Variants in USH2A observed in about 807,000 individuals in gnomAD.
The protein encoded by USH2A is usherin, also known as Usher syndrome 2A (autosomal recessive, mild).
In USH2A, 443 loss-of-function variants were observed where a neutral mutation model predicts 538.9. That is an observed-to-expected ratio of 0.82 (90% CI 0.76 to 0.89). The LOEUF is 0.89. USH2A is among the 40% of genes least tolerant of loss of function. The pLI, the probability that USH2A is intolerant of heterozygous loss-of-function variation, is 0.00. For missense variants in USH2A, 6,633 were observed against 6,324.8 expected, an observed-to-expected ratio of 1.05 and a Z score of -1.65; for synonymous variants, 2,413 against 2,273.5, an observed-to-expected ratio of 1.06 and a Z score of -1.75.
intron 21 of USH2A, among the ~76,000 whole-genome samples, chr1:216,135,160 T>A (rs1160900113): frequency 2.2e-4 from 24 of 108,396 alleles, no homozygotes; most frequent in East Asian, 3.2e-4. Context: ...TCTCTCTCTC[T>A]CTCTCTCACA....
At chr1:216,151,518 T>TACTGGAATAGC (rs2033832378) in intron 21 of USH2A, among the ~76,000 whole-genome samples, 1 of 152,182 alleles carries the variant, frequency 6.6e-6, no homozygotes, top group Non-Finnish European at 1.5e-5. Context: ...TTGCTCTCGG[T>TACTGGAATAGC]ACTGGAATAG....
rs200022676 is a variant in USH2A, at chr1:216,169,940, A to G, written c.4627+5312T>C. The stretch of plus-strand genomic sequence containing the variant: ...CTTGAAAAGAACTGGGGTTTTGTTT[A>G]GTTGTTTTGTTTTTTATTTTTTTCA... On this transcript the variant is annotated intron_variant, in intron 21 of 71. Coordinates refer to ENST00000307340, the MANE Select transcript of USH2A (RefSeq NM_206933.4). Among the ~76,000 whole-genome samples, 5 of 152,186 alleles carry G rather than the reference A, an allele frequency of 3.3e-5. No individual in the cohort carries two copies. In the East Asian group the frequency reaches 9.7e-4, roughly 29 times the overall value.
At chr1:215,919,450 G>A (rs768876354) in intron 38 of USH2A, among the ~76,000 whole-genome samples, 19 of 152,122 alleles carry the variant, frequency 1.2e-4, no homozygotes, top group Admixed American at 2.6e-4. Context: ...ATAACTTGCC[G>A]AAGCTCTTAC....
chr1:216,143,168 C>G (rs1369394922), intron 21 of USH2A, among the ~76,000 whole-genome samples: 1 of 152,122 alleles, frequency 6.6e-6, no homozygotes, highest in African/African-American at 2.4e-5. Context: ...ACATGGTACT[C>G]CAATCAAGGG....
intron 40 of USH2A, among the ~76,000 whole-genome samples, chr1:215,896,030 A>G (rs1665331599): frequency 6.6e-6 from 1 of 152,246 alleles, no homozygotes; most frequent in Non-Finnish European, 1.5e-5. Context: ...CCACCGTCAT[A>G]TATGTGGTTC....
chr1:215,732,135 G>A (rs548510784), intron 60 of USH2A, among the ~76,000 whole-genome samples: 9 of 152,292 alleles, frequency 5.9e-5, no homozygotes, highest in East Asian at 1.9e-4. Flanking sequence ...AACAGTTTAC[G>A]TAAGAATAAA....
chr1:216,120,218 G>GA (rs2033099848), intron 21 of USH2A, among the ~76,000 whole-genome samples: 1 of 20,044 alleles, frequency 5.0e-5, no homozygotes, highest in Non-Finnish European at 8.3e-5. Flanking sequence ...ATACTAAATA[G>GA]CAAAAAAAAA....
chr1:215,890,660 T>C (rs1470648453), intron 40 of USH2A, among the ~76,000 whole-genome samples: 1 of 152,208 alleles, frequency 6.6e-6, no homozygotes, highest in African/African-American at 2.4e-5. Flanking sequence ...AAAACCACTA[T>C]GCCATTTCTT....
chr1:215,799,199 A>G (rs1662241489), intron 49 of USH2A, 74 bp from the exon 50 acceptor site: 1 of 1,443,062 alleles, frequency 6.9e-7, no homozygotes, highest in African/African-American at 1.4e-5. Context: ...AACTTTTATC[A>G]CAATCATCTT....
intron 10 of USH2A, 152 bp downstream of exon 10, chr1:216,292,023 G>A (rs2037010486): frequency 1.2e-6 from 1 of 834,474 alleles, no homozygotes; most frequent in Non-Finnish European, 1.9e-6. Flanking sequence ...TTGGAAATAG[G>A]AAGATTTGGT....
At chr1:216,416,504 T>C (rs1016582460) in intron 3 of USH2A, among the ~76,000 whole-genome samples, 4 of 152,166 alleles carry the variant, frequency 2.6e-5, no homozygotes, top group Non-Finnish European at 5.9e-5. Flanking sequence ...TTTCTCTTGA[T>C]AGTCAAACAG....
intron 61 of USH2A, among the ~76,000 whole-genome samples, chr1:215,701,013 G>C (rs550770691): frequency 1.3e-5 from 2 of 152,120 alleles, no homozygotes; most frequent in Non-Finnish European, 1.5e-5. Context: ...TTGTATCTTT[G>C]TTCTCATTGG....
chr1:216,021,574 C>T (rs1668845649), intron 32 of USH2A, among the ~76,000 whole-genome samples: 1 of 152,066 alleles, frequency 6.6e-6, no homozygotes, highest in African/African-American at 2.4e-5. Context: ...AGATTTTGGT[C>T]CCAAGACTAC....
intron 38 of USH2A, among the ~76,000 whole-genome samples, chr1:215,908,186 T>C (rs1334605026): frequency 1.3e-5 from 2 of 151,968 alleles, no homozygotes; most frequent in African/African-American, 2.4e-5. Flanking sequence ...TGTGGTTTCA[T>C]ACATGTCCCT....
intron 21 of USH2A, among the ~76,000 whole-genome samples, chr1:216,172,974 T>C (rs1338163992): frequency 6.6e-6 from 1 of 152,152 alleles, no homozygotes; most frequent in Non-Finnish European, 1.5e-5. Context: ...GTTTCCACCC[T>C]GAAATTCAAT....
chr1:216,373,116 A>G (rs1433727877), intron 3 of USH2A, among the ~76,000 whole-genome samples: 2 of 152,204 alleles, frequency 1.3e-5, no homozygotes, highest in Non-Finnish European at 2.9e-5. Context: ...TGTTGTTTGA[A>G]TATGAAACAA....
chr1:215,771,808 T>C lies in USH2A; in HGVS notation c.10940-5020A>G, dbSNP rs116512197. ...GTTTTCTGGCTTCTAGGTTCCTCAG[T>C]TTCTATATCTATAAACTGTAGGCAT... On this transcript the variant is annotated intron_variant, in intron 55 of 71. Transcript: ENST00000307340. Among the ~76,000 whole-genome samples, 594 of 152,196 alleles carry C rather than the reference T, an allele frequency of 3.9e-3. 2 individuals carry two copies. The highest frequency in any genetic ancestry group is 0.012 in the African/African-American group (518 of 41,550).
chr1:215,704,869 G>A (rs1310856640), intron 61 of USH2A, among the ~76,000 whole-genome samples: 1 of 152,074 alleles, frequency 6.6e-6, no homozygotes, highest in Non-Finnish European at 1.5e-5. Context: ...GCTGTTTATG[G>A]CATTTTTATA....
intron 37 of USH2A, among the ~76,000 whole-genome samples, chr1:215,950,364 A>G (rs1408388718): frequency 6.6e-6 from 1 of 152,164 alleles, no homozygotes; most frequent in Non-Finnish European, 1.5e-5. Context: ...AACATTCATG[A>G]TATAATGTTA....
Sources: gnomAD v4.1 joint callset for allele counts (sites outside exome capture counted in the v4.1 genomes callset) on GRCh38, gnomAD v4.1.1 for gene constraint, MANE v1.5 for transcripts, NCBI Gene and HGNC (gene_info 2026-07-23, HGNC 2026-07-21) for gene names.